MBOAT1: variants seen among roughly 807,000 people sequenced by gnomAD.
The protein encoded by MBOAT1 is membrane bound glycerophospholipid O-acyltransferase 1.
Under a neutral mutation model 64.4 loss-of-function variants are expected in MBOAT1, and 67 were observed. The ratio of observed to expected loss-of-function variants is 1.04; its 90% CI spans 0.85 to 1.27. MBOAT1 has a LOEUF of 1.27. Ranked by LOEUF, MBOAT1 falls within the 50% of genes most tolerant of loss-of-function variation. The pLI is 0.00. For synonymous variants in MBOAT1, 229 were observed against 218.9 expected, an observed-to-expected ratio of 1.05 and a Z score of -0.41; for missense variants, 563 against 604.6, an observed-to-expected ratio of 0.93 and a Z score of 0.72.
At chr6:20,171,097 A>T (rs1762176487) in intron 1 of MBOAT1, among the ~76,000 whole-genome samples, 2 of 152,178 alleles carry the variant, frequency 1.3e-5, no homozygotes, top group Admixed American at 6.5e-5. Context: ...GCAAGGATTT[A>T]AAAAAAGAAA....
At chr6:20,193,302 G>A (rs12527729) in intron 1 of MBOAT1, among the ~76,000 whole-genome samples, 6,755 of 151,968 alleles carry the variant, frequency 0.044, 237 homozygotes, top group Non-Finnish European at 0.062. Context: ...CACCGCGCCC[G>A]GCCTATAATT....
chr6:20,145,648 C>T (rs1202198), intron 3 of MBOAT1, among the ~76,000 whole-genome samples: 120,005 of 152,218 alleles, frequency 0.79, 49,770 homozygotes, highest in East Asian at 1. Flanking sequence ...ACCTCGCCTT[C>T]CTGGACTCAT....
intron 1 of MBOAT1, among the ~76,000 whole-genome samples, chr6:20,164,377 T>C (rs1424866077): frequency 1.3e-5 from 2 of 152,132 alleles, no homozygotes; most frequent in African/African-American, 4.8e-5. Flanking sequence ...CCCTACCAGA[T>C]TGTGGTGGGC....
intron 1 of MBOAT1, among the ~76,000 whole-genome samples, chr6:20,211,679 G>A (rs1010715107): frequency 7.9e-5 from 12 of 151,984 alleles, no homozygotes; most frequent in Admixed American, 2.0e-4. Flanking sequence ...CCTCGCCTCA[G>A]AAGTCTAAAA....
At chr6:20,136,260 G>C (rs1389962313) in intron 4 of MBOAT1, among the ~76,000 whole-genome samples, 4 of 152,100 alleles carry the variant, frequency 2.6e-5, no homozygotes, top group Admixed American at 6.5e-5. Flanking sequence ...AACCATCCAG[G>C]GGTGAATTAG....
At chr6:20,144,350 G>T in intron 3 of MBOAT1, 35 bp from the exon 4 acceptor site, 1 of 1,304,436 alleles carries the variant, frequency 7.7e-7, no homozygotes, top group Non-Finnish European at 1.1e-6. Flanking sequence ...AGATTATTAT[G>T]CATAGCAATA....
chr6:20,146,620 G>A lies in MBOAT1; in HGVS notation c.324-2305C>T, dbSNP rs114985300. Among the ~76,000 whole-genome samples, 436 of 152,298 alleles carry A rather than the reference G, an allele frequency of 2.9e-3. 2 individuals carry two copies. The highest frequency in any genetic ancestry group is 0.01 in the African/African-American group (419 of 41,548). The stretch of plus-strand genomic sequence containing the variant: ...AAGCTCAAGGCAGAAACGCAAAGCA[G>A]ACTCAAAAGATAGATTCTTCCAGAA... On this transcript the variant is annotated intron_variant, in intron 3 of 12. Transcript: ENST00000324607.
chr6:20,172,055 AAAAC>A (rs1431335811), intron 1 of MBOAT1, among the ~76,000 whole-genome samples: 6 of 152,084 alleles, frequency 3.9e-5, no homozygotes, highest in South Asian at 4.2e-4. Context: ...AACAAAAACA[AAAAC>A]AAACAAGAAG....
At chr6:20,152,131 G>A (rs113734069) in intron 2 of MBOAT1, among the ~76,000 whole-genome samples, 6,363 of 151,896 alleles carry the variant, frequency 0.042, 425 homozygotes, top group African/African-American at 0.14. Context: ...AACCAGCCTG[G>A]GCAACACGGT....
intron 1 of MBOAT1, among the ~76,000 whole-genome samples, chr6:20,184,987 C>T (rs1294216023): frequency 6.6e-6 from 1 of 151,808 alleles, no homozygotes; most frequent in African/African-American, 2.4e-5. Flanking sequence ...CATAGTGGCT[C>T]ACATCCATAA....
intron 11 of MBOAT1, among the ~76,000 whole-genome samples, chr6:20,111,874 A>ATATACG (rs1760176345): frequency 7.2e-6 from 1 of 139,476 alleles, no homozygotes; most frequent in Admixed American, 7.4e-5. Context: ...ATATACATAT[A>ATATACG]TATATGTATA....
chr6:20,203,680 G>A (rs1184695852), intron 1 of MBOAT1, among the ~76,000 whole-genome samples: 1 of 151,956 alleles, frequency 6.6e-6, no homozygotes, highest in African/African-American at 2.4e-5. Context: ...AATAAAATTA[G>A]TAAGGAGCAA....
intron 1 of MBOAT1, among the ~76,000 whole-genome samples, chr6:20,211,247 A>G (rs1763407649): frequency 6.6e-6 from 1 of 152,188 alleles, no homozygotes; most frequent in African/African-American, 2.4e-5. Context: ...AGCACTGGTG[A>G]GAGGAAGGGG....
chr6:20,195,605 CTG>C (rs10540923), intron 1 of MBOAT1, among the ~76,000 whole-genome samples: 5,804 of 149,488 alleles, frequency 0.039, 151 homozygotes, highest in African/African-American at 0.067. Flanking sequence ...AATAAATTGC[CTG>C]TGTGTGTGTG....
chr6:20,123,687 C>T (rs1760559216), intron 8 of MBOAT1, among the ~76,000 whole-genome samples: 1 of 151,558 alleles, frequency 6.6e-6, no homozygotes, highest in African/African-American at 2.4e-5. Flanking sequence ...GAAGTGTAAC[C>T]TAAATTAGCA....
intron 2 of MBOAT1, among the ~76,000 whole-genome samples, chr6:20,152,333 A>T (rs372014693): frequency 7.4e-5 from 10 of 135,092 alleles, no homozygotes; most frequent in African/African-American, 2.7e-4. Context: ...TCTCAAAAAA[A>T]AAAAATAAAA....
At chr6:20,205,238 GA>G (rs1349334461) in intron 1 of MBOAT1, among the ~76,000 whole-genome samples, 2 of 152,046 alleles carry the variant, frequency 1.3e-5, no homozygotes, top group East Asian at 3.9e-4. Context: ...AAGAAGAAAA[GA>G]AAGAAGAAAT....
intron 12 of MBOAT1, among the ~76,000 whole-genome samples, chr6:20,103,519 A>G (rs748817033): frequency 6.7e-6 from 1 of 149,318 alleles, no homozygotes; most frequent in Non-Finnish European, 1.5e-5. Flanking sequence ...GCAACCTCCA[A>G]CTCCTGGGTT....
intron 12 of MBOAT1, among the ~76,000 whole-genome samples, chr6:20,107,294 C>A (rs1759986587): frequency 1.3e-5 from 2 of 152,184 alleles, no homozygotes; most frequent in East Asian, 1.9e-4. Flanking sequence ...CTCTGGTCTT[C>A]AGTGCTCGGA....
Sources: gnomAD v4.1 joint callset for allele counts (sites outside exome capture counted in the v4.1 genomes callset) on GRCh38, gnomAD v4.1.1 for gene constraint, MANE v1.5 for transcripts, NCBI Gene and HGNC (gene_info 2026-07-23, HGNC 2026-07-21) for gene names.